COL23A1: variants seen among roughly 807,000 people sequenced by gnomAD.
The protein encoded by COL23A1 is collagen type XXIII alpha 1 chain.
Under a neutral mutation model 99.3 loss-of-function variants are expected in COL23A1, and 97 were observed. That is an observed-to-expected ratio of 0.98 (90% CI 0.83 to 1.16). The LOEUF is 1.16. COL23A1 is among the 50% of genes most tolerant of loss of function. The probability of loss-of-function intolerance (pLI) is 0.00; values close to 1 mark genes in which losing one functional copy is unlikely to be tolerated. For synonymous variants in COL23A1, 320 were observed against 308.2 expected, an observed-to-expected ratio of 1.04 and a Z score of -0.40; for missense variants, 762 against 757.4, an observed-to-expected ratio of 1.01 and a Z score of -0.07.
At chr5:178,271,871 A>G (rs1426963897) in intron 5 of COL23A1, among the ~76,000 whole-genome samples, 1 of 151,986 alleles carries the variant, frequency 6.6e-6, no homozygotes, top group East Asian at 1.9e-4. Flanking sequence ...GGGATGGGGG[A>G]CCCTGTAGGT....
chr5:178,543,803 C>T (rs1761429865), intron 2 of COL23A1, among the ~76,000 whole-genome samples: 1 of 152,168 alleles, frequency 6.6e-6, no homozygotes, highest in African/African-American at 2.4e-5. Context: ...CTAAGAAAAC[C>T]TACCAGTGGC....
At chr5:178,293,733 A>AG (rs1457686308) in intron 3 of COL23A1, among the ~76,000 whole-genome samples, 3 of 148,064 alleles carry the variant, frequency 2.0e-5, no homozygotes, top group African/African-American at 7.5e-5. Flanking sequence ...GTGAGGGGCA[A>AG]GGGGCTGGGA....
intron 2 of COL23A1, among the ~76,000 whole-genome samples, chr5:178,443,618 G>A (rs921040130): frequency 1.5e-5 from 2 of 134,052 alleles, no homozygotes; most frequent in African/African-American, 3.7e-5. Context: ...TCGCCACCAT[G>A]CCCAGCTATT....
At chr5:178,576,442 C>G (rs910536438) in intron 1 of COL23A1, among the ~76,000 whole-genome samples, 7 of 152,168 alleles carry the variant, frequency 4.6e-5, no homozygotes, top group Non-Finnish European at 8.8e-5. Context: ...GCCATACTGG[C>G]GAGGCTGGTC....
chr5:178,589,908 C>T lies in COL23A1; in HGVS notation c.290G>A (p.Arg97Gln). ...GCCACGCGCCAAGACGCTCACCTCCCGCAGCAGGCGCTCCAGGTGCGGCTC... is the reference window on the plus strand; with the variant it reads ...GCCACGCGCCAAGACGCTCACCTCCTGCAGCAGGCGCTCCAGGTGCGGCTC... Reference protein sequence around the residue: ...WAEPHLERLLREKLDGLAKIR... With the variant: ...WAEPHLERLLQEKLDGLAKIR... The change falls in exon 1 of 29, where the codon CGG becomes CAG. Residue 97 changes from arginine (R) to glutamine (Q), a missense_variant. Transcript: ENST00000390654. This position sits in a 1 kb window ranked among gnomAD's most constrained non-coding sequence, Gnocchi z 5.4. The T allele has an allele frequency of 7.6e-7, 1 of 1,314,206 alleles. No homozygotes were observed. Among genetic ancestry groups the T allele is most frequent in the Non-Finnish European group, 9.6e-7 (1 of 1,037,482 alleles). 81.4% of individuals were successfully genotyped at this position (1,314,206 alleles called of 1,614,324 possible).
chr5:178,516,500 C>T (rs1759524568), intron 2 of COL23A1, among the ~76,000 whole-genome samples: 1 of 152,236 alleles, frequency 6.6e-6, no homozygotes, highest in African/African-American at 2.4e-5. Context: ...TCCTCTCCGG[C>T]ATTCCCTCCA....
intron 2 of COL23A1, among the ~76,000 whole-genome samples, chr5:178,476,959 G>A (rs554490950): frequency 2.1e-4 from 32 of 152,340 alleles, no homozygotes; most frequent in Middle Eastern, 3.4e-3. Context: ...CAGAAAGTCA[G>A]GTTTCCAATC....
chr5:178,286,975 G>C (rs2127582298), intron 5 of COL23A1, among the ~76,000 whole-genome samples: 1 of 152,380 alleles, frequency 6.6e-6, no homozygotes, highest in African/African-American at 2.4e-5. Flanking sequence ...CGTCATGCCA[G>C]GAGTGGTTCT....
chr5:178,378,506 T>C (rs928039688), intron 2 of COL23A1, among the ~76,000 whole-genome samples: 2 of 152,146 alleles, frequency 1.3e-5, no homozygotes, highest in Non-Finnish European at 2.9e-5. Context: ...AAATCCAGTG[T>C]GATCAGAGTA....
chr5:178,266,685 G>A (rs1188494880), intron 8 of COL23A1, among the ~76,000 whole-genome samples: 1 of 152,234 alleles, frequency 6.6e-6, no homozygotes, highest in South Asian at 2.1e-4. Flanking sequence ...AGCTGTGTTC[G>A]TGCTCACAGC....
intron 2 of COL23A1, among the ~76,000 whole-genome samples, chr5:178,435,667 G>A (rs1318658431): frequency 6.6e-6 from 1 of 152,210 alleles, no homozygotes; most frequent in Non-Finnish European, 1.5e-5. Flanking sequence ...GGAAAAGCGA[G>A]GGGGAGGGAG....
rs1756906104 is a variant in COL23A1, at chr5:178,281,639, A to G, written c.441+6685T>C. On this transcript the variant is annotated intron_variant, in intron 5 of 28. Transcript: ENST00000390654. This position sits in a 1 kb window ranked among gnomAD's most constrained non-coding sequence, Gnocchi z 4.0. ...TTAGTCATTCAGGCTTCACCAGCAA[A>G]TTAGTGCAACCGCCTCCTACCCGCA... 6.6e-6 allele frequency among the ~76,000 whole-genome samples: 1 copy of G among 152,194 alleles called. No homozygotes were observed. The highest frequency in any genetic ancestry group is 2.4e-5 in the African/African-American group (1 of 41,448).
chr5:178,412,567 A>T (rs1765107274), intron 2 of COL23A1, among the ~76,000 whole-genome samples: 1 of 152,114 alleles, frequency 6.6e-6, no homozygotes, highest in Admixed American at 6.5e-5. Flanking sequence ...TTAATTTTCC[A>T]GTCTTTATTA....
At chr5:178,344,118 A>G (rs1325277512) in intron 2 of COL23A1, among the ~76,000 whole-genome samples, 1 of 152,216 alleles carries the variant, frequency 6.6e-6, no homozygotes, top group East Asian at 1.9e-4. Context: ...CAGTAATATA[A>G]GTATGGTCAT....
intron 2 of COL23A1, among the ~76,000 whole-genome samples, chr5:178,523,191 TATATATATATAGAG>T (rs1562051738): frequency 1.9e-4 from 15 of 80,854 alleles, no homozygotes; most frequent in Non-Finnish European, 3.5e-4. Flanking sequence ...CATATATATA[TATATATATATAGAG>T]AGAGAGAGAG....
At chr5:178,378,809 G>A (rs568962806) in intron 2 of COL23A1, among the ~76,000 whole-genome samples, 6 of 152,254 alleles carry the variant, frequency 3.9e-5, no homozygotes, top group South Asian at 4.2e-4. Context: ...AGGTGGCAGC[G>A]GCCGCAGGAC....
intron 5 of COL23A1, among the ~76,000 whole-genome samples, chr5:178,273,085 C>G (rs1581500877): frequency 6.6e-6 from 1 of 152,220 alleles, no homozygotes; most frequent in South Asian, 2.1e-4. Flanking sequence ...CCCGGCCGCT[C>G]TCTCCTGCTC....
intron 8 of COL23A1, among the ~76,000 whole-genome samples, chr5:178,264,942 C>T (rs59624759): frequency 0.041 from 6,286 of 152,204 alleles, 154 homozygotes; most frequent in African/African-American, 0.06. Flanking sequence ...CACTGCACCC[C>T]GCTGAAGATG....
In COL23A1 at chr5:178,366,320, G is replaced by A. The variant is rs776545084; in HGVS notation, c.362-59401C>T. Among the ~76,000 whole-genome samples the A allele has an allele frequency of 2.0e-5, 3 of 152,304 alleles. No individual in the cohort carries two copies. Among genetic ancestry groups the A allele is most frequent in the South Asian group, 2.1e-4 (1 of 4,816 alleles). On this transcript the variant is annotated intron_variant, in intron 2 of 28. Coordinates refer to ENST00000390654, the MANE Select transcript of COL23A1 (RefSeq NM_173465.4). This position sits in a 1 kb window ranked among gnomAD's most constrained non-coding sequence, Gnocchi z 4.4. ...CTCTGCACCCCACGATGGGCGCTGC[G>A]TCCTCCATCCTCTGGTGCACCAGGT...
Sources: allele counts gnomAD v4.1 joint callset (sites outside exome capture counted in the v4.1 genomes callset), GRCh38; gene constraint gnomAD v4.1.1; non-coding constraint Gnocchi (gnomAD v3.1); transcripts MANE v1.5; gene names NCBI Gene and HGNC (gene_info 2026-07-23, HGNC 2026-07-21).